Variants in SH3KBP1 observed in about 807,000 individuals in gnomAD.
SH3KBP1 encodes SH3 domain-containing kinase-binding protein 1.
Under a neutral mutation model 50.1 loss-of-function variants are expected in SH3KBP1, and 8 were observed. The observed-to-expected ratio is 0.16, with a 90% CI of 0.09 to 0.29. SH3KBP1 has a LOEUF of 0.29. SH3KBP1 is among the 10% of genes least tolerant of loss of function. The pLI is 1.00. For missense variants in SH3KBP1, 377 were observed against 535.2 expected (o/e 0.70, Z 2.92); for synonymous variants, 227 against 218.6 (o/e 1.04, Z -0.34).
intron 12 of SH3KBP1, chrX:19,588,289 G>A: frequency 9.7e-7 from 1 of 1,029,073 alleles, no homozygotes; most frequent in Non-Finnish European, 1.3e-6. Context: ...ACAACATCCA[G>A]GGGGACAAAG....
At position 19,660,007 on chromosome X, in the gene SH3KBP1, T is replaced by C. The variant is rs766752063; in HGVS notation, c.727-14532A>G. 8.3e-4 allele frequency among the ~76,000 whole-genome samples: 93 copies of C among 112,726 alleles called. 1 individual carries two copies. The highest frequency in any genetic ancestry group is 2.9e-3 in the African/African-American group (90 of 31,055). ...ACTTCAGTCAACAGGAAACTCAACA[T>C]CTATCACAAAATATTTAGATTTATG... is the stretch of plus-strand genomic sequence containing the variant. On this transcript the variant is annotated intron_variant, in intron 6 of 17. Transcript: ENST00000397821.
intron 3 of SH3KBP1, among the ~76,000 whole-genome samples, chrX:19,722,439 CT>C (rs201328580): frequency 0.018 from 1,976 of 111,913 alleles, 12 homozygotes; most frequent in Non-Finnish European, 0.03. Flanking sequence ...AAGTTTCCCC[CT>C]ATCCTTCGGG....
intron 2 of SH3KBP1, among the ~76,000 whole-genome samples, chrX:19,803,252 T>C (rs1209880547): frequency 1.8e-5 from 2 of 111,927 alleles, no homozygotes; most frequent in Non-Finnish European, 3.8e-5. Context: ...GTTTCCCTTA[T>C]TTATTTTAGA....
chrX:19,804,892 C>A (rs1241366355), intron 2 of SH3KBP1, among the ~76,000 whole-genome samples: 3 of 85,994 alleles, frequency 3.5e-5, no homozygotes, highest in South Asian at 9.5e-4. Flanking sequence ...ACCCCCCCCC[C>A]CCCACCCGCT....
chrX:19,595,114 C>A, intron 9 of SH3KBP1, 114 bp from the exon 10 acceptor site: 1 of 553,284 alleles, frequency 1.8e-6, no homozygotes, highest in Non-Finnish European at 3.1e-6. Flanking sequence ...GAGAACCTCT[C>A]CAAAAAAATT....
chrX:19,826,507 C>G (rs1307963179), intron 2 of SH3KBP1, among the ~76,000 whole-genome samples: 1 of 109,453 alleles, frequency 9.1e-6, no homozygotes, highest in Non-Finnish European at 1.9e-5. Flanking sequence ...AGTGATACCC[C>G]CATCTCTACA....
chrX:19,852,858 G>GT (rs2068546302), intron 1 of SH3KBP1, among the ~76,000 whole-genome samples: 1 of 111,408 alleles, frequency 9.0e-6, no homozygotes, highest in Non-Finnish European at 1.9e-5. Flanking sequence ...AGTCAGGAAT[G>GT]CATGATCGGA....
At chrX:19,669,419 A>T (rs1015755164) in intron 6 of SH3KBP1, among the ~76,000 whole-genome samples, 2 of 109,685 alleles carry the variant, frequency 1.8e-5, no homozygotes, top group Non-Finnish European at 3.8e-5. Flanking sequence ...TTCAGGGAGC[A>T]CTTACCAGTG....
intron 8 of SH3KBP1, among the ~76,000 whole-genome samples, chrX:19,624,700 C>T (rs2067958863): frequency 8.9e-6 from 1 of 112,225 alleles, no homozygotes; most frequent in Non-Finnish European, 1.9e-5. Flanking sequence ...AAAACAGCAA[C>T]AAATTATACT....
chrX:19,692,689 A>ATATATAT (rs1556257878), intron 5 of SH3KBP1, among the ~76,000 whole-genome samples: 4 of 75,087 alleles, frequency 5.3e-5, no homozygotes, highest in African/African-American at 2.2e-4. Flanking sequence ...ATATATATAT[A>ATATATAT]TTTTTTTTTT....
chrX:19,560,429 T>G (rs1238533083), intron 13 of SH3KBP1, among the ~76,000 whole-genome samples: 1 of 111,896 alleles, frequency 8.9e-6, no homozygotes, highest in Non-Finnish European at 1.9e-5. Context: ...TAGAGAAACA[T>G]AGACTGTGAC....
chrX:19,602,688 G>C (rs2067125401), intron 9 of SH3KBP1, among the ~76,000 whole-genome samples: 1 of 112,266 alleles, frequency 8.9e-6, no homozygotes, highest in Non-Finnish European at 1.9e-5. Flanking sequence ...TCTTGTTATA[G>C]ATGCCACGTT....
intron 12 of SH3KBP1, among the ~76,000 whole-genome samples, chrX:19,569,847 C>A (rs1253064074): frequency 1.8e-5 from 2 of 111,454 alleles, no homozygotes; most frequent in Non-Finnish European, 3.8e-5. Flanking sequence ...GAAACCTAGC[C>A]TTCTCATGCA....
chrX:19,687,794 C>T lies in SH3KBP1; in HGVS notation c.521-3766G>A, dbSNP rs952142330. The T allele has an allele frequency of 8.5e-6, 5 of 591,169 alleles. No individual in the cohort carries two copies. The African/African-American group carries it at 1.1e-4, about 13-fold the overall frequency. The allele number at this position is 591,169 out of a possible 1,213,427, so 48.7% of individuals were successfully genotyped here. A position where few individuals can be genotyped will look rare whatever the true frequency, so the allele number is the denominator to read the frequency against. Reference sequence around the variant, plus strand: ...GGAAGAGGAAGAGTCTTTAACTGAACTTGCCTTCAATGAATCTGCTGCAAG... The same window carrying T: ...GGAAGAGGAAGAGTCTTTAACTGAATTTGCCTTCAATGAATCTGCTGCAAG... On this transcript the variant is annotated intron_variant, in intron 5 of 17. Coordinates refer to ENST00000397821, the MANE Select transcript of SH3KBP1 (RefSeq NM_031892.3).
chrX:19,641,638 T>A (rs764346817), intron 7 of SH3KBP1, among the ~76,000 whole-genome samples: 3 of 112,146 alleles, frequency 2.7e-5, no homozygotes, highest in African/African-American at 9.7e-5. Flanking sequence ...AATCTAAGCA[T>A]ACTTTTTAAG....
chrX:19,777,048 G>A (rs2066002137), intron 2 of SH3KBP1, among the ~76,000 whole-genome samples: 1 of 111,977 alleles, frequency 8.9e-6, no homozygotes, highest in Non-Finnish European at 1.9e-5. Flanking sequence ...AAACTTGAAT[G>A]AAGATTTCCT....
chrX:19,765,260 G>A (rs758225050), intron 2 of SH3KBP1, among the ~76,000 whole-genome samples: 24 of 110,806 alleles, frequency 2.2e-4, no homozygotes, highest in Non-Finnish European at 4.2e-4. Flanking sequence ...CAAAAACTTG[G>A]CGACTTAACC....
intron 2 of SH3KBP1, among the ~76,000 whole-genome samples, chrX:19,746,783 G>T (rs2064930830): frequency 9.0e-6 from 1 of 111,592 alleles, no homozygotes; most frequent in African/African-American, 3.3e-5. Context: ...CTTTGGCCAA[G>T]CAGACTCACC....
intron 5 of SH3KBP1, among the ~76,000 whole-genome samples, chrX:19,690,015 C>T (rs1052878221): frequency 1.8e-4 from 19 of 107,697 alleles, no homozygotes; most frequent in Non-Finnish European, 3.1e-4. Context: ...CAGTGGTTTG[C>T]TATACATTTT....
Sources: allele counts gnomAD v4.1 joint callset (sites outside exome capture counted in the v4.1 genomes callset), GRCh38; gene constraint gnomAD v4.1.1; transcripts MANE v1.5; gene names NCBI Gene and HGNC (gene_info 2026-07-23, HGNC 2026-07-21).